The following PPEF2 variants were observed in gnomAD, a reference collection of about 807,000 sequenced individuals.
PPEF2 encodes protein phosphatase with EF-hand domain 2.
PPEF2 carries 84 observed loss-of-function variants against 84.7 expected under a neutral mutation model. The observed-to-expected ratio is 0.99, with a 90% CI of 0.83 to 1.19. PPEF2 has a LOEUF of 1.19. PPEF2 is among the 50% of genes most tolerant of loss of function. The pLI is 0.00. For synonymous variants in PPEF2, 346 were observed against 345.2 expected, an observed-to-expected ratio of 1.00 and a Z score of -0.03; for missense variants, 924 against 937.5, an observed-to-expected ratio of 0.99 and a Z score of 0.19.
At chr4:75,868,590 G>C (rs1724191692) in intron 13 of PPEF2, among the ~76,000 whole-genome samples, 1 of 151,486 alleles carries the variant, frequency 6.6e-6, no homozygotes, top group African/African-American at 2.4e-5. Flanking sequence ...CAGCTACTTG[G>C]GAAGCTAAGG....
Position 75,884,666 on chromosome 4 carries a change from G to A in PPEF2, c.674C>T (p.Ala225Val), listed in dbSNP as rs1560485467. The A allele has an allele frequency of 1.2e-6, 2 of 1,613,612 alleles. No individual in the cohort carries two copies. Among genetic ancestry groups the A allele is most frequent in the Middle Eastern group, 1.7e-4 (1 of 6,054 alleles). ...CTCTTTGGGGTAAACCAGCATGAAGGCAAAAAGAATCATCAGGATCTCTAC... is the reference window on the plus strand; with the variant it reads ...CTCTTTGGGGTAAACCAGCATGAAGACAAAAAGAATCATCAGGATCTCTAC... ...DSVEILMILF[A>V]FMLVYPKEFH... The change falls in exon 8 of 17, where the codon GCC becomes GTC. Residue 225 changes from alanine to valine, a missense_variant. Physicochemically the swap from Ala to Val is moderately conservative, Grantham distance 64. Transcript: ENST00000286719.
Position 75,864,494 on chromosome 4 carries a change from G to C in PPEF2, c.1954C>G (p.Arg652Gly). ...ATGGTCTCTAGGTTGGATCGGTTTCGATACAATGTTTCCAGCAAACTTGAT... is the reference window on the plus strand; with the variant it reads ...ATGGTCTCTAGGTTGGATCGGTTTCCATACAATGTTTCCAGCAAACTTGAT... ...IQSSLLETLY[R>G]NRSNLETIFR... Residue 652 changes from arginine (R) to glycine (G), a missense_variant, in exon 16 of 17, where the codon CGA becomes GGA. Coordinates refer to ENST00000286719, the MANE Select transcript of PPEF2 (RefSeq NM_006239.3). 6.2e-7 allele frequency: 1 copy of C among 1,613,048 alleles called. No individual in the cohort carries two copies. The highest frequency in any genetic ancestry group is 8.5e-7 in the Non-Finnish European group (1 of 1,179,140).
chr4:75,863,040 C>CA (rs1724042599), intron 16 of PPEF2, among the ~76,000 whole-genome samples: 1 of 152,164 alleles, frequency 6.6e-6, no homozygotes, highest in Non-Finnish European at 1.5e-5. Flanking sequence ...ATAATCCAGA[C>CA]ACCAAAGGCC....
At chr4:75,884,002 A>G (rs2149222796) in intron 8 of PPEF2, among the ~76,000 whole-genome samples, 1 of 151,450 alleles carries the variant, frequency 6.6e-6, no homozygotes, top group Admixed American at 6.6e-5. Flanking sequence ...GCGTGGTGGC[A>G]GGTGCCTGTA....
chr4:75,866,454 G>C (rs747317457), intron 14 of PPEF2, 102 bp from the exon 15 acceptor site: 2 of 1,418,930 alleles, frequency 1.4e-6, no homozygotes, highest in Non-Finnish European at 1.9e-6. Context: ...CTATCTGCAG[G>C]TAATAGAAAT....
At chr4:75,862,575 A>G (rs1426891357) in intron 16 of PPEF2, among the ~76,000 whole-genome samples, 1 of 152,168 alleles carries the variant, frequency 6.6e-6, no homozygotes, top group Non-Finnish European at 1.5e-5. Context: ...TATTAAGGAA[A>G]TGAAAGTCAA....
chr4:75,896,199 AC>A (rs1725005092), intron 2 of PPEF2, 71 bp downstream of exon 2: 1 of 1,528,828 alleles, frequency 6.5e-7, no homozygotes, highest in African/African-American at 1.4e-5. Context: ...TACCCTCAGA[AC>A]CCCCAACCCT....
At chr4:75,863,420 A>C (rs894538246) in intron 16 of PPEF2, among the ~76,000 whole-genome samples, 1 of 151,348 alleles carries the variant, frequency 6.6e-6, no homozygotes, top group African/African-American at 2.4e-5. Flanking sequence ...GAATCACTTG[A>C]ACCCGGGAGG....
chr4:75,876,139 C>T, intron 11 of PPEF2, 148 bp downstream of exon 11: 6 of 1,004,734 alleles, frequency 6.0e-6, no homozygotes, highest in Non-Finnish European at 5.8e-6. Flanking sequence ...ACATATGAGT[C>T]ATTAGGCAAA....
intron 13 of PPEF2, among the ~76,000 whole-genome samples, chr4:75,869,065 G>A (rs1048037990): frequency 3.9e-5 from 6 of 152,166 alleles, no homozygotes; most frequent in African/African-American, 7.2e-5. Flanking sequence ...AAATTTCACA[G>A]GTATGTGAGC....
chr4:75,888,945 C>G (rs554713633), intron 5 of PPEF2, among the ~76,000 whole-genome samples: 2 of 152,254 alleles, frequency 1.3e-5, no homozygotes, highest in African/African-American at 4.8e-5. Context: ...GGTATGATGG[C>G]TCACGCCTGT....
intron 13 of PPEF2, among the ~76,000 whole-genome samples, chr4:75,867,917 T>G (rs544249873): frequency 1.3e-5 from 2 of 152,162 alleles, no homozygotes; most frequent in African/African-American, 2.4e-5. Context: ...ATAACACTAG[T>G]TTAGTTTTTT....
chr4:75,871,950 G>A lies in PPEF2; in HGVS notation c.1649+75C>T, dbSNP rs1290957910. 29 of 1,422,666 alleles carry A rather than the reference G, an allele frequency of 2.0e-5. No homozygotes were observed. In the Admixed American group the frequency reaches 2.0e-4, roughly 10 times the overall value. 88.1% of individuals were successfully genotyped at this position (1,422,666 alleles called of 1,614,324 possible). On this transcript the variant is annotated intron_variant, in intron 13 of 16. Transcript: ENST00000286719. ...CACGTAGAATTTGAATAAATATAAC[G>A]TTTGACACTTCATTCAAAGATTCTA...
At chr4:75,879,340 C>T (rs1462929509) in intron 10 of PPEF2, among the ~76,000 whole-genome samples, 1 of 152,190 alleles carries the variant, frequency 6.6e-6, no homozygotes, top group Non-Finnish European at 1.5e-5. Context: ...AAGTGAGTAG[C>T]TGCTTCCTAC....
intron 5 of PPEF2, among the ~76,000 whole-genome samples, chr4:75,888,683 A>T (rs1309750778): frequency 6.6e-6 from 1 of 152,190 alleles, no homozygotes; most frequent in Non-Finnish European, 1.5e-5. Flanking sequence ...TCATTACTGG[A>T]ATATATCAGC....
At chr4:75,861,832 A>T (rs1156739513) in intron 16 of PPEF2, among the ~76,000 whole-genome samples, 1 of 145,332 alleles carries the variant, frequency 6.9e-6, no homozygotes, top group African/African-American at 2.5e-5. Flanking sequence ...GATGGTCTCG[A>T]TCTCCTGACC....
chr4:75,863,913 C>T (rs959768228), intron 16 of PPEF2, among the ~76,000 whole-genome samples: 1 of 150,502 alleles, frequency 6.6e-6, no homozygotes, highest in East Asian at 2.0e-4. Flanking sequence ...CACTCTGTCG[C>T]CGAGGCTGGA....
At position 75,866,332 on chromosome 4, in the gene PPEF2, A is replaced by G. The variant is rs1578000973; in HGVS notation, c.1777T>C (p.Trp593Arg). 14 of 1,613,590 alleles carry G rather than the reference A, an allele frequency of 8.7e-6. No homozygotes were observed. Among genetic ancestry groups the G allele is most frequent in the Admixed American group, 3.3e-5 (2 of 59,910 alleles). Residue 593 changes from tryptophan to arginine, a missense_variant, in exon 15 of 17, where the codon TGG becomes CGG. Trp to Arg is a moderately radical substitution (Grantham distance 101). Transcript: ENST00000286719. ...DKVGLITLSD[W>R]AAAVESVLHL... Reference sequence around the variant, plus strand: ...AACACAGACTCCACCGCTGCTGCCCAGTCACTCAAGGTGATTAAACCTACA... The same window carrying G: ...AACACAGACTCCACCGCTGCTGCCCGGTCACTCAAGGTGATTAAACCTACA...
chr4:75,897,052 G>T (rs949213751), intron 1 of PPEF2, among the ~76,000 whole-genome samples: 8 of 151,900 alleles, frequency 5.3e-5, no homozygotes, highest in African/African-American at 1.5e-4. Context: ...ACGGGGTTTC[G>T]CTGTGTTAGC....
Sources: gnomAD v4.1 joint callset for allele counts (sites outside exome capture counted in the v4.1 genomes callset) on GRCh38, gnomAD v4.1.1 for gene constraint, MANE v1.5 for transcripts, NCBI Gene and HGNC (gene_info 2026-07-23, HGNC 2026-07-21) for gene names.